Variants in TMCC1 observed in about 807,000 individuals in gnomAD.
The protein encoded by TMCC1 is transmembrane and coiled-coil domains protein 1.
Under a neutral mutation model 52.4 loss-of-function variants are expected in TMCC1, and 15 were observed. The ratio of observed to expected loss-of-function variants is 0.29; its 90% confidence interval spans 0.19 to 0.44. The LOEUF (loss-of-function observed/expected upper bound fraction) is 0.44, where lower values mean the gene tolerates loss of function less well. Among genes scored for constraint, TMCC1 ranks in the 20% least tolerant of loss-of-function variants. TMCC1 has a pLI of 1.00. For synonymous variants in TMCC1, 279 were observed against 301.9 expected, an observed-to-expected ratio of 0.92 and a Z score of 0.79; for missense variants, 503 against 806.0, an observed-to-expected ratio of 0.62 and a Z score of 4.55.
chr3:129,855,574 CAAG>C (rs1419326121), intron 2 of TMCC1, among the ~76,000 whole-genome samples: 7 of 152,038 alleles, frequency 4.6e-5, no homozygotes, highest in Admixed American at 3.9e-4. Flanking sequence ...CCACACAAAA[CAAG>C]AAACACATCT....
In TMCC1 at chr3:129,671,185, T is replaced by C; in HGVS notation, c.656A>G (p.Asp219Gly). 6.2e-7 allele frequency: 1 copy of C among 1,614,000 alleles called. No individual in the cohort carries two copies. Among genetic ancestry groups the C allele is most frequent in the Non-Finnish European group, 8.5e-7 (1 of 1,179,996 alleles). The change falls in exon 5 of 7, where the codon GAC (aspartate) becomes GGC (glycine). Residue 219 changes from aspartate to glycine, a missense_variant. Around this residue, in one of 7 missense-constraint regions of TMCC1, gnomAD observed 217 missense variants for 297.9 expected, o/e 0.73. Coordinates refer to ENST00000393238, the MANE Select transcript of TMCC1 (RefSeq NM_001017395.5). ...AGGGTCTGGTGTTCCATCCACAGAG[T>C]CTGTGTGGATGCTGCCATCGGTACT... is the stretch of plus-strand genomic sequence containing the variant. ...ASSTDGSIHT[D>G]SVDGTPDPQR...
chr3:129,723,883 GACTA>G (rs1263655542), intron 4 of TMCC1, among the ~76,000 whole-genome samples: 1 of 150,868 alleles, frequency 6.6e-6, no homozygotes, highest in Admixed American at 6.6e-5. Context: ...AAAGCTGCAG[GACTA>G]ACTAACTATA....
chr3:129,688,555 T>G (rs2089577898), intron 4 of TMCC1: 1 of 985,404 alleles, frequency 1.0e-6, no homozygotes. Flanking sequence ...TAGCCAATCC[T>G]CCGCAGTGCC....
rs528669615 is a variant in TMCC1 at position 129,883,570 on chromosome 3, C to T, written c.-434-3011G>A. Among the ~76,000 whole-genome samples, 3 of 152,332 alleles carry T rather than the reference C, an allele frequency of 2.0e-5. No individual in the cohort carries two copies. The South Asian group carries it at 6.2e-4, about 32-fold the overall frequency. On this transcript the variant is annotated intron_variant, in intron 1 of 6. Transcript: ENST00000393238. ...TCAAGGCTGCAGTAATTCATGTTTA[C>T]ACCACTGCACTCCACCCTGGGTGAC...
At chr3:129,790,615 G>A (rs1418490875) in intron 4 of TMCC1, among the ~76,000 whole-genome samples, 1 of 152,102 alleles carries the variant, frequency 6.6e-6, no homozygotes, top group East Asian at 1.9e-4. Context: ...AAGATTTTGG[G>A]AAATAGTTTC....
intron 4 of TMCC1, among the ~76,000 whole-genome samples, chr3:129,738,649 C>T (rs2051191412): frequency 6.6e-6 from 1 of 152,132 alleles, no homozygotes; most frequent in Non-Finnish European, 1.5e-5. Context: ...TGCAAGTGAA[C>T]ACTTTTGAGT....
chr3:129,859,281 C>G (rs949813138), intron 2 of TMCC1, among the ~76,000 whole-genome samples: 2 of 152,118 alleles, frequency 1.3e-5, no homozygotes, highest in South Asian at 2.1e-4. Flanking sequence ...TATTTAAGCA[C>G]GTAAGTCACT....
At chr3:129,797,608 G>A (rs781519000) in intron 4 of TMCC1, among the ~76,000 whole-genome samples, 10 of 151,982 alleles carry the variant, frequency 6.6e-5, no homozygotes, top group African/African-American at 9.7e-5. Context: ...AGCTGGGCAT[G>A]GTGGCATGAG....
intron 4 of TMCC1, among the ~76,000 whole-genome samples, chr3:129,700,587 T>C (rs1453497102): frequency 2.0e-5 from 3 of 152,086 alleles, no homozygotes; most frequent in African/African-American, 7.2e-5. Flanking sequence ...AGTGCTTCTC[T>C]TGCCTCATCC....
chr3:129,723,181 G>A (rs529897456), intron 4 of TMCC1, among the ~76,000 whole-genome samples: 47 of 152,282 alleles, frequency 3.1e-4, no homozygotes, highest in Admixed American at 2.3e-3. Context: ...AATGGTGGTT[G>A]TGTTGAATAA....
intron 2 of TMCC1, among the ~76,000 whole-genome samples, chr3:129,842,777 C>T (rs951079712): frequency 2.0e-5 from 3 of 151,976 alleles, no homozygotes; most frequent in Non-Finnish European, 4.4e-5. Context: ...GGATATTAAA[C>T]AATACACTTC....
intron 5 of TMCC1, among the ~76,000 whole-genome samples, chr3:129,668,581 T>A (rs995528314): frequency 6.6e-6 from 1 of 152,224 alleles, no homozygotes; most frequent in Non-Finnish European, 1.5e-5. Flanking sequence ...ATCTGTTATA[T>A]CACTTATTGA....
intron 4 of TMCC1, among the ~76,000 whole-genome samples, chr3:129,796,851 A>G (rs2056863212): frequency 6.6e-6 from 1 of 152,098 alleles, no homozygotes; most frequent in Admixed American, 6.5e-5. Flanking sequence ...ACTAAATAAA[A>G]CATCAATATT....
At chr3:129,751,224 C>T (rs559138871) in intron 4 of TMCC1, among the ~76,000 whole-genome samples, 145 of 149,916 alleles carry the variant, frequency 9.7e-4, no homozygotes, top group Non-Finnish European at 1.4e-3. Flanking sequence ...AACAAAAATT[C>T]GGGAAAAAAA....
intron 4 of TMCC1, among the ~76,000 whole-genome samples, chr3:129,811,073 T>C (rs569285452): frequency 3.2e-4 from 48 of 152,352 alleles, no homozygotes; most frequent in African/African-American, 1.1e-3. Context: ...TCCCTAAGAC[T>C]GTGTATGTTC....
intron 1 of TMCC1, among the ~76,000 whole-genome samples, chr3:129,890,027 T>A (rs1363260293): frequency 1.3e-5 from 2 of 152,044 alleles, no homozygotes; most frequent in African/African-American, 4.8e-5. Flanking sequence ...GGCTCATGCT[T>A]ATAAACCCAG....
At chr3:129,815,558 A>G (rs781105921) in intron 4 of TMCC1, among the ~76,000 whole-genome samples, 13 of 152,168 alleles carry the variant, frequency 8.5e-5, no homozygotes, top group Admixed American at 2.6e-4. Context: ...TGCAGAATGG[A>G]ACTACACCCC....
chr3:129,680,567 C>T (rs1374043136), intron 4 of TMCC1, among the ~76,000 whole-genome samples: 1 of 152,126 alleles, frequency 6.6e-6, no homozygotes, highest in Non-Finnish European at 1.5e-5. Context: ...ACCACTACCA[C>T]TTGAGCAGCA....
At chr3:129,875,232 T>C (rs1293549032) in intron 2 of TMCC1, among the ~76,000 whole-genome samples, 1 of 150,976 alleles carries the variant, frequency 6.6e-6, no homozygotes, top group Non-Finnish European at 1.5e-5. Flanking sequence ...CTCACACCTG[T>C]AATCCCAGCA....
Sources: gnomAD v4.1 joint callset for allele counts (sites outside exome capture counted in the v4.1 genomes callset) on GRCh38, gnomAD v4.1.1 for gene constraint, gnomAD v4.1.1 regional missense constraint, MANE v1.5 for transcripts, NCBI Gene and HGNC (gene_info 2026-07-23, HGNC 2026-07-21) for gene names.